Variants in FLT1 observed in about 807,000 individuals in gnomAD.
FLT1 encodes vascular endothelial growth factor receptor 1.
A neutral mutation model predicts 156.3 loss-of-function variants in FLT1; 49 were observed. The observed-to-expected ratio is 0.31, with a 90% CI of 0.25 to 0.40. The LOEUF is 0.40. FLT1 is among the 10% of genes least tolerant of loss of function. The pLI, the probability that FLT1 is intolerant of heterozygous loss-of-function variation, is 1.00. For synonymous variants in FLT1, 594 were observed against 583.8 expected (o/e 1.02, Z -0.25); for missense variants, 1,322 against 1,637.2 (o/e 0.81, Z 3.32).
chr13:28,320,438 CAT>C (rs1871402037), intron 23 of FLT1, among the ~76,000 whole-genome samples: 2 of 152,140 alleles, frequency 1.3e-5, no homozygotes, highest in Admixed American at 6.5e-5. Context: ...CTAGAACAAA[CAT>C]GTCCAATTCC....
intron 20 of FLT1, among the ~76,000 whole-genome samples, chr13:28,324,454 G>A (rs903908329): frequency 6.6e-6 from 1 of 152,182 alleles, no homozygotes; most frequent in Admixed American, 6.5e-5. Flanking sequence ...CCCTAACCTA[G>A]TCTAAAAGCC....
At chr13:28,422,319 C>T (rs76644079) in intron 10 of FLT1, among the ~76,000 whole-genome samples, 1 of 10,208 alleles carries the variant, frequency 9.8e-5, no homozygotes, top group Admixed American at 9.2e-4. Context: ...AAGTTTTTTT[C>T]CCATGAGTGG....
chr13:28,408,411 G>T (rs537042337), intron 10 of FLT1, among the ~76,000 whole-genome samples: 1 of 152,150 alleles, frequency 6.6e-6, no homozygotes, highest in African/African-American at 2.4e-5. Flanking sequence ...GACAGATTCT[G>T]TGGCTATTTT....
At chr13:28,466,854 C>T in intron 3 of FLT1, 49 bp downstream of exon 3, 1 of 1,299,624 alleles carries the variant, frequency 7.7e-7, no homozygotes, top group Non-Finnish European at 1.1e-6. Flanking sequence ...AGATTTATGA[C>T]TCATTTGCAA....
chr13:28,454,782 A>G (rs961311870), intron 3 of FLT1, among the ~76,000 whole-genome samples: 4 of 152,188 alleles, frequency 2.6e-5, no homozygotes, highest in East Asian at 1.9e-4. Context: ...CCCTGGAACT[A>G]GTAAAAGATT....
chr13:28,429,064 C>A (rs1001269498), intron 8 of FLT1, among the ~76,000 whole-genome samples: 7 of 152,048 alleles, frequency 4.6e-5, no homozygotes, highest in African/African-American at 1.4e-4. Context: ...AGTGAATGTA[C>A]CTCCTGGAGT....
At position 28,491,283 on chromosome 13, in the gene FLT1, A is replaced by C. The variant is rs756301578; in HGVS notation, c.64+3497T>G. Reference sequence around the variant, plus strand: ...TGGTTTGTTTCTTAAAAGTCACGTAAAGTAGACTCAATTTTAAATAAGGGG... The same window carrying C: ...TGGTTTGTTTCTTAAAAGTCACGTACAGTAGACTCAATTTTAAATAAGGGG... On this transcript the variant is annotated intron_variant, in intron 1 of 29. Coordinates refer to ENST00000282397, the MANE Select transcript of FLT1 (RefSeq NM_002019.4). 2.0e-5 allele frequency among the ~76,000 whole-genome samples: 3 copies of C among 152,358 alleles called. No individual in the cohort carries two copies. In the South Asian group the frequency reaches 6.2e-4, roughly 32 times the overall value.
chr13:28,474,007 C>T (rs1045428077), intron 1 of FLT1, among the ~76,000 whole-genome samples: 4 of 152,064 alleles, frequency 2.6e-5, no homozygotes, highest in African/African-American at 4.8e-5. Flanking sequence ...ACAGAGAAAA[C>T]GTCATGTAAG....
chr13:28,376,754 T>C (rs956963355), intron 14 of FLT1, among the ~76,000 whole-genome samples: 8 of 152,202 alleles, frequency 5.3e-5, no homozygotes, highest in Non-Finnish European at 8.8e-5. Context: ...TACGACCTCA[T>C]TGGAGAACCT....
At chr13:28,388,048 C>G (rs1593733679) in intron 13 of FLT1, 2 of 1,058,642 alleles carry the variant, frequency 1.9e-6, no homozygotes, top group Non-Finnish European at 1.1e-6. Context: ...TTAATGTTAG[C>G]AACTATTAAG....
At chr13:28,330,776 C>T (rs1386294469) in intron 18 of FLT1, among the ~76,000 whole-genome samples, 4 of 151,524 alleles carry the variant, frequency 2.6e-5, no homozygotes, top group Admixed American at 1.3e-4. Flanking sequence ...TGCATTGGTG[C>T]GATCTCGGCT....
At chr13:28,304,984 T>C (rs1387324438) in intron 29 of FLT1, among the ~76,000 whole-genome samples, 1 of 152,254 alleles carries the variant, frequency 6.6e-6, no homozygotes, top group Non-Finnish European at 1.5e-5. Flanking sequence ...ATAATGCTGC[T>C]ATGAACATCT....
At chr13:28,365,245 G>T (rs1565986954) in intron 14 of FLT1, among the ~76,000 whole-genome samples, 1 of 152,010 alleles carries the variant, frequency 6.6e-6, no homozygotes, top group Non-Finnish European at 1.5e-5. Flanking sequence ...TTCCTAGATA[G>T]ATTTTAATTT....
At chr13:28,403,201 C>A (rs1875566073) in intron 11 of FLT1, among the ~76,000 whole-genome samples, 1 of 152,064 alleles carries the variant, frequency 6.6e-6, no homozygotes, top group Non-Finnish European at 1.5e-5. Flanking sequence ...GAGAGGTGAG[C>A]TGGTTTGTAT....
chr13:28,339,068 A>G (rs560378022), intron 17 of FLT1, 100 bp downstream of exon 17: 1 of 1,115,074 alleles, frequency 9.0e-7, no homozygotes, highest in South Asian at 1.4e-5. Flanking sequence ...GGAGGGTAGA[A>G]TCCCAGGTCT....
chr13:28,446,663 G>A lies in FLT1; in HGVS notation c.389-8318C>T, dbSNP rs546297255. Among the ~76,000 whole-genome samples the A allele has an allele frequency of 3.9e-5, 6 of 152,294 alleles. No homozygotes were observed. In the South Asian group the frequency reaches 1.2e-3, roughly 32 times the overall value. On this transcript the variant is annotated intron_variant, in intron 3 of 29. Transcript: ENST00000282397. Reference sequence around the variant, plus strand: ...AAAGAAATTAAAGAAGATCTACTAAGTGGGAAACATCTCATGTTCATGGAT... The same window carrying A: ...AAAGAAATTAAAGAAGATCTACTAAATGGGAAACATCTCATGTTCATGGAT...
intron 20 of FLT1, 152 bp downstream of exon 20, chr13:28,327,310 G>A (rs1050093061): frequency 1.5e-6 from 1 of 646,818 alleles, no homozygotes; most frequent in African/African-American, 1.8e-5. Flanking sequence ...GATTATCAGG[G>A]GAAAAAACAT....
chr13:28,445,653 T>C (rs1878576059), intron 3 of FLT1, among the ~76,000 whole-genome samples: 1 of 151,792 alleles, frequency 6.6e-6, no homozygotes, highest in African/African-American at 2.4e-5. Flanking sequence ...TAACAAGAGA[T>C]TGAATTGTAA....
At chr13:28,429,557 C>T (rs868006459) in intron 8 of FLT1, among the ~76,000 whole-genome samples, 1 of 152,264 alleles carries the variant, frequency 6.6e-6, no homozygotes, top group East Asian at 1.9e-4. Flanking sequence ...TAGGCCCCAT[C>T]GTCCCCCTCT....
Sources: allele counts gnomAD v4.1 joint callset (sites outside exome capture counted in the v4.1 genomes callset), GRCh38; gene constraint gnomAD v4.1.1; transcripts MANE v1.5; gene names NCBI Gene and HGNC (gene_info 2026-07-23, HGNC 2026-07-21).